The following MIB2 variants were observed in gnomAD, a reference collection of about 807,000 sequenced individuals.
MIB2 encodes E3 ubiquitin-protein ligase MIB2.
Under a neutral mutation model 96.6 loss-of-function variants are expected in MIB2, and 78 were observed. The observed-to-expected ratio is 0.81, with a 90% CI of 0.67 to 0.97. The LOEUF (loss-of-function observed/expected upper bound fraction) is 0.97, where lower values mean the gene tolerates loss of function less well. Among genes scored for constraint, MIB2 ranks in the 50% least tolerant of loss-of-function variants. The pLI is 0.00. For missense variants in MIB2, 1,543 were observed against 1,424.0 expected (o/e 1.08, Z -1.35); for synonymous variants, 820 against 629.5 (o/e 1.30, Z -4.53).
intron 2 of MIB2, among the ~76,000 whole-genome samples, chr1:1,621,866 G>A (rs1411147047): frequency 6.6e-6 from 1 of 152,244 alleles, no homozygotes; most frequent in Non-Finnish European, 1.5e-5. Flanking sequence ...TCTCCGGAGT[G>A]GGGCTGGGCT....
chr1:1,625,099 G>A lies in MIB2; in HGVS notation c.635G>A (p.Arg212His), dbSNP rs577514840. 3.7e-6 allele frequency: 6 copies of A among 1,613,406 alleles called. No individual in the cohort carries two copies. Among genetic ancestry groups the A allele is most frequent in the East Asian group, 2.2e-5 (1 of 44,882 alleles). The change falls in exon 6 of 20, where the codon CGT (arginine) becomes CAT (histidine). Residue 212 changes from arginine (R) to histidine (H), a missense_variant. Transcript: ENST00000355826. The surrounding 1 kb of genome is among the most constrained non-coding windows in gnomAD (Gnocchi z 5.0). ...GCTGATGGTACCACCAATGTGTACC[G>A]TGTGGGCCACAAGGGCAAGGTGGAC... is the stretch of plus-strand genomic sequence containing the variant. ...TWADGTTNVYRVGHKGKVDLK... is the reference protein window; with the variant it reads ...TWADGTTNVYHVGHKGKVDLK...
chr1:1,619,718 G>T (rs144627636), intron 2 of MIB2, among the ~76,000 whole-genome samples: 28 of 152,294 alleles, frequency 1.8e-4, no homozygotes, highest in African/African-American at 6.5e-4. Context: ...CCCTGTCCAG[G>T]CTCGTCCCCC....
chr1:1,630,344 G>A lies in MIB2; in HGVS notation c.2682G>A (p.Leu894=), dbSNP rs1393745798. The A allele has an allele frequency of 2.0e-6, 3 of 1,536,144 alleles. No individual in the cohort carries two copies. The South Asian group carries it at 3.6e-5, about 18-fold the overall frequency. The change falls in exon 20 of 20, where the codon CTG becomes CTA. Residue 894 remains leucine (L), a synonymous_variant. Transcript: ENST00000355826. ...CCGCCCCCGGCCCGCCGCGCCAGCT[G>A]GTGGAGGAGCTGCAGAGCCGCTACC... ...AAPAPGPPRQ[L]VEELQSRYRQ...
chr1:1,617,096 C>G (rs1393972876), intron 2 of MIB2: 1 of 168,424 alleles, frequency 5.9e-6, no homozygotes, highest in Non-Finnish European at 1.3e-5. Context: ...ATGCTGGCCT[C>G]CCCGCCTCAG....
intron 2 of MIB2, chr1:1,617,564 C>T (rs1643872132): frequency 6.6e-6 from 1 of 152,236 alleles, no homozygotes; most frequent in African/African-American, 2.4e-5. Flanking sequence ...TTTCTCCAGC[C>T]TGGCTTGCTG....
intron 4 of MIB2, among the ~76,000 whole-genome samples, chr1:1,624,433 GC>G (rs1450946604): frequency 6.6e-6 from 1 of 152,174 alleles, no homozygotes; most frequent in African/African-American, 2.4e-5. Flanking sequence ...CACATGCTGA[GC>G]CCACCTCTGG....
chr1:1,629,115 G>GCCCGCCCTCACC lies in MIB2; in HGVS notation c.2203-18_2203-17insCCCGCCCTCACC. On this transcript the variant is annotated splice_polypyrimidine_tract_variant and intron_variant, in intron 16 of 19. Transcript: ENST00000355826. ...TGCCCCGGCGCCCGCCCTCACCGGC[G>GCCCGCCCTCACC]TCTGTCCTGCCGCCCAGCTACAGGC... 1 of 1,455,728 alleles carries GCCCGCCCTCACC rather than the reference G, an allele frequency of 6.9e-7. No homozygotes were observed. The highest frequency in any genetic ancestry group is 9.0e-7 in the Non-Finnish European group (1 of 1,115,066). 90.2% of individuals were successfully genotyped at this position (1,455,728 alleles called of 1,614,324 possible).
In MIB2 at chr1:1,629,570, A is replaced by AGTGGGGGGCCCCGGG. The variant is rs1638302637; in HGVS notation, c.2563+11_2563+25dup. 6.5e-7 allele frequency: 1 copy of AGTGGGGGGCCCCGGG among 1,546,268 alleles called. No individual in the cohort carries two copies. The highest frequency in any genetic ancestry group is 1.4e-5 in the African/African-American group (1 of 72,658). On this transcript the variant is annotated splice_donor_region_variant and intron_variant, in intron 18 of 19. Coordinates refer to ENST00000355826, the MANE Select transcript of MIB2 (RefSeq NM_001170687.4). ...CAGCACCGCACCGTGTGTGAGGGTGAGTGGGGGGCCCCGGGGTGGGGAGGC... is the reference window on the plus strand; with the variant it reads ...CAGCACCGCACCGTGTGTGAGGGTGAGTGGGGGGCCCCGGGGTGGGGGGCCCCGGGGTGGGGAGGC...
rs540845090 is a variant in MIB2 at position 1,619,475 on chromosome 1, G to C, written c.-23+2861G>C. Among the ~76,000 whole-genome samples the C allele has an allele frequency of 2.0e-5, 3 of 152,388 alleles. No homozygotes were observed. In the South Asian group the frequency reaches 6.2e-4, roughly 32 times the overall value. On this transcript the variant is annotated intron_variant, in intron 2 of 19. Coordinates refer to ENST00000355826, the MANE Select transcript of MIB2 (RefSeq NM_001170687.4). ...GGTCTGTCTGCACACTGGCACCGCA[G>C]AAGGGTTGGCAGGCGGGCAGGCATG...
At position 1,628,010 on chromosome 1, in the gene MIB2, C is replaced by T. The variant is rs764653697; in HGVS notation, c.1681-9C>T. 2.0e-5 allele frequency: 33 copies of T among 1,612,066 alleles called. No individual in the cohort carries two copies. Among genetic ancestry groups the T allele is most frequent in the Non-Finnish European group, 2.5e-5 (30 of 1,179,448 alleles). ...CACCCCCAGGTGACCACTGACTCCG[C>T]CCCAGCAGGACGCCCACTCGGACAC... On this transcript the variant is annotated splice_polypyrimidine_tract_variant and intron_variant, in intron 13 of 19. Transcript: ENST00000355826.
Position 1,623,762 on chromosome 1 carries a change from C to A in MIB2, c.248-12C>A, listed in dbSNP as rs1242993662. The A allele has an allele frequency of 6.3e-7, 1 of 1,581,998 alleles. No individual in the cohort carries two copies. Among genetic ancestry groups the A allele is most frequent in the Non-Finnish European group, 8.6e-7 (1 of 1,165,404 alleles). On this transcript the variant is annotated splice_polypyrimidine_tract_variant and intron_variant, in intron 3 of 19. Coordinates refer to ENST00000355826, the MANE Select transcript of MIB2 (RefSeq NM_001170687.4). The stretch of plus-strand genomic sequence containing the variant: ...GGGCGGGAACGCCCCTCTGACCCCA[C>A]CCCACCCCCAGGCGTCCGGCACCCC...
rs1447437097 is a variant in MIB2 at position 1,629,682 on chromosome 1, C to T, written c.2607C>T (p.Val869=). 17 of 1,599,526 alleles carry T rather than the reference C, an allele frequency of 1.1e-5. No individual in the cohort carries two copies. Among genetic ancestry groups the T allele is most frequent in the South Asian group, 4.5e-5 (4 of 89,342 alleles). Residue 869 remains valine, a synonymous_variant, in exon 19 of 20, where the codon GTC becomes GTT. Coordinates refer to ENST00000355826, the MANE Select transcript of MIB2 (RefSeq NM_001170687.4). ...RMKKCIRCQV[V]VSKKLRPDGS... ...AGAAGTGCATCAGGTGCCAGGTGGT[C>T]GTCAGCAAGAAACTGCGCCCAGGTG...
At chr1:1,621,795 C>T (rs775067730) in intron 2 of MIB2, among the ~76,000 whole-genome samples, 2 of 151,830 alleles carry the variant, frequency 1.3e-5, no homozygotes, top group Admixed American at 6.6e-5. Flanking sequence ...AGCCGGGGCA[C>T]GGATCGGGGG....
chr1:1,623,601 G>A lies in MIB2; in HGVS notation c.149G>A (p.Arg50His), dbSNP rs759149248. The A allele has an allele frequency of 1.1e-5, 16 of 1,503,136 alleles. No homozygotes were observed. The highest frequency in any genetic ancestry group is 2.6e-5 in the South Asian group (2 of 78,090). The allele number at this position is 1,503,136 out of a possible 1,614,324, so 93.1% of individuals were successfully genotyped here. A position where few individuals can be genotyped will look rare whatever the true frequency, so the allele number is the denominator to read the frequency against. Reference protein sequence around the residue: ...GRHGSPSTPDRTVVVQWDQGT... With the variant: ...GRHGSPSTPDHTVVVQWDQGT... ...CACGGCAGCCCCTCGACACCCGACCGCACAGTGGTCGTGCAGTGGGACCAG... is the reference window on the plus strand; with the variant it reads ...CACGGCAGCCCCTCGACACCCGACCACACAGTGGTCGTGCAGTGGGACCAG... Residue 50 changes from arginine (R) to histidine (H), a missense_variant, in exon 3 of 20, where the codon CGC becomes CAC. Coordinates refer to ENST00000355826, the MANE Select transcript of MIB2 (RefSeq NM_001170687.4).
At chr1:1,627,530 A>G in intron 12 of MIB2, 86 bp downstream of exon 12, 1 of 1,489,348 alleles carries the variant, frequency 6.7e-7, no homozygotes. Context: ...GGCGGGGCTG[A>G]GCCTGTGCGT....
intron 16 of MIB2, 37 bp downstream of exon 16, chr1:1,628,759 G>A (rs1035748833): frequency 4.7e-5 from 68 of 1,437,410 alleles, no homozygotes; most frequent in African/African-American, 5.7e-5. Context: ...GAGAGGCTGC[G>A]GTGGCGCCGG....
intron 2 of MIB2, 126 bp from the exon 3 acceptor site, chr1:1,623,305 C>CCCGTTGGGCCTCTCTGCT (rs1644427381): frequency 7.0e-7 from 1 of 1,430,272 alleles, no homozygotes; most frequent in African/African-American, 1.5e-5. Context: ...GCCTGCCTGC[C>CCCGTTGGGCCTCTCTGCT]CCGTTGGGCC....
chr1:1,628,009 G>A lies in MIB2; in HGVS notation c.1681-10G>A, dbSNP rs749313792. 41 of 1,612,016 alleles carry A rather than the reference G, an allele frequency of 2.5e-5. No homozygotes were observed. Among genetic ancestry groups the A allele is most frequent in the East Asian group, 6.7e-5 (3 of 44,826 alleles). ...TCACCCCCAGGTGACCACTGACTCC[G>A]CCCCAGCAGGACGCCCACTCGGACA... is the stretch of plus-strand genomic sequence containing the variant. On this transcript the variant is annotated splice_polypyrimidine_tract_variant and intron_variant, in intron 13 of 19. Coordinates refer to ENST00000355826, the MANE Select transcript of MIB2 (RefSeq NM_001170687.4).
chr1:1,630,599 T>G lies in MIB2; in HGVS notation c.*69T>G. The G allele has an allele frequency of 7.8e-7, 1 of 1,275,714 alleles. No homozygotes were observed. Among genetic ancestry groups the G allele is most frequent in the Middle Eastern group, 1.9e-4 (1 of 5,262 alleles). 79.0% of individuals were successfully genotyped at this position (1,275,714 alleles called of 1,614,324 possible). A position where few individuals can be genotyped will look rare whatever the true frequency, so the allele number is the denominator to read the frequency against. On this transcript the variant is annotated 3_prime_UTR_variant, in exon 20 of 20. Transcript: ENST00000355826. ...CCCTGTGTTTTATAAAAAGAAAGAT[T>G]CTCGGACGTTGCCTCTGCTGTCTGC...
Sources: gnomAD v4.1 joint callset for allele counts (sites outside exome capture counted in the v4.1 genomes callset) on GRCh38, gnomAD v4.1.1 for gene constraint, Gnocchi (gnomAD v3.1) non-coding constraint, MANE v1.5 for transcripts, NCBI Gene and HGNC (gene_info 2026-07-23, HGNC 2026-07-21) for gene names.